PLCZ1: variants seen among roughly 807,000 people sequenced by gnomAD.
The protein encoded by PLCZ1 is phospholipase C zeta 1, also known as 1-phosphatidylinositol 4,5-bisphosphate phosphodiesterase zeta-1.
A neutral mutation model predicts 76.8 loss-of-function variants in PLCZ1; 64 were observed. The ratio of observed to expected loss-of-function variants is 0.83; its 90% CI spans 0.68 to 1.03. The LOEUF is 1.03. Ranked by LOEUF, PLCZ1 falls within the 50% of genes least tolerant of loss-of-function variation. The pLI, the probability that PLCZ1 is intolerant of heterozygous loss-of-function variation, is 0.00. For missense variants in PLCZ1, 751 were observed against 713.7 expected, an observed-to-expected ratio of 1.05 and a Z score of -0.60; for synonymous variants, 248 against 230.8, an observed-to-expected ratio of 1.07 and a Z score of -0.68.
At chr12:18,646,206 G>A in the PLCZ1 span, among the ~76,000 whole-genome samples, 1 of 152,038 alleles carries the variant, frequency 6.6e-6, no homozygotes, top group South Asian at 2.1e-4. Flanking sequence ...TTTATTTAAT[G>A]AACATGTATT....
In PLCZ1 at chr12:18,701,498, C is replaced by CA; in HGVS notation, c.1017+2dup. 1 of 1,614,044 alleles carries CA rather than the reference C, an allele frequency of 6.2e-7. No homozygotes were observed. The highest frequency in any genetic ancestry group is 8.5e-7 in the Non-Finnish European group (1 of 1,179,986). ...GTAAGATTTTCACAAAACACCACCT[C>CA]ACCTTCTTTTTCTTGAAAAGCATTA... is the stretch of plus-strand genomic sequence containing the variant. On this transcript the variant is annotated splice_region_variant and intron_variant, in intron 9 of 14. Transcript: ENST00000266505.
the PLCZ1 span, among the ~76,000 whole-genome samples, chr12:18,652,887 A>T: frequency 2.0e-5 from 3 of 152,052 alleles, no homozygotes; most frequent in Non-Finnish European, 4.4e-5. Context: ...CATTGAACAT[A>T]TACATATATA....
the PLCZ1 span, among the ~76,000 whole-genome samples, chr12:18,650,694 GTGTGTGTGTGTATATATCTATATATA>G: frequency 4.7e-3 from 184 of 38,844 alleles, 6 homozygotes; most frequent in Middle Eastern, 0.013. Context: ...GTGTGTGTGT[GTGTGTGTGTGTATATATCTATATATA>G]TATATATATA....
the PLCZ1 span, among the ~76,000 whole-genome samples, chr12:18,676,855 A>T: frequency 6.6e-6 from 1 of 152,170 alleles, no homozygotes; most frequent in Non-Finnish European, 1.5e-5. Flanking sequence ...AAGATTGATC[A>T]CAGCCATGTA....
intron 3 of PLCZ1, chr12:18,730,905 G>A (rs1291509418): frequency 2.0e-5 from 3 of 151,958 alleles, no homozygotes; most frequent in South Asian, 2.1e-4. Flanking sequence ...AGATACTACC[G>A]GAGGAAAAAT....
downstream of PLCZ1, among the ~76,000 whole-genome samples, chr12:18,678,507 C>T (rs896032593): frequency 2.0e-5 from 3 of 152,076 alleles, no homozygotes; most frequent in African/African-American, 7.2e-5. Context: ...TAATCCATCC[C>T]TCTTTCCATC....
chr12:18,708,558 A>AT (rs1218114230), intron 6 of PLCZ1, among the ~76,000 whole-genome samples: 1 of 152,172 alleles, frequency 6.6e-6, no homozygotes, highest in African/African-American at 2.4e-5. Context: ...TGGTGGCTCT[A>AT]TTTTTTATTT....
At chr12:18,736,771 G>C (rs1959345057) in intron 2 of PLCZ1, 1 of 918,586 alleles carries the variant, frequency 1.1e-6, no homozygotes. Flanking sequence ...GGAAGCATTA[G>C]ATGAATTCCT....
chr12:18,652,960 T>C, the PLCZ1 span, among the ~76,000 whole-genome samples: 1 of 151,934 alleles, frequency 6.6e-6, no homozygotes, highest in East Asian at 1.9e-4. Flanking sequence ...AGAGAGAGAC[T>C]GATTTTAGGC....
the PLCZ1 span, among the ~76,000 whole-genome samples, chr12:18,650,414 G>GAGAATTACA: frequency 3.5e-5 from 5 of 142,716 alleles, no homozygotes; most frequent in African/African-American, 1.3e-4. Context: ...TTTTTTTTAA[G>GAGAATTACA]AGAATTACAT....
rs1954756275 is a variant in PLCZ1 at position 18,695,011 on chromosome 12, C to T, written c.1360G>A (p.Gly454Ser). 6.2e-7 allele frequency: 1 copy of T among 1,612,190 alleles called. No individual in the cohort carries two copies. Among genetic ancestry groups the T allele is most frequent in the Non-Finnish European group, 8.5e-7 (1 of 1,178,564 alleles). Residue 454 changes from glycine (G) to serine (S), a missense_variant, in exon 12 of 15, where the codon GGT becomes AGT. Gly to Ser is a moderately conservative substitution (Grantham distance 56). Coordinates refer to ENST00000266505, the MANE Select transcript of PLCZ1 (RefSeq NM_033123.4). ...TGTGGTTTCAAAATATATCCAGAAC[C>T]ACCATTATCCAAAAATTTCCCATTT... ...LQNGKFLDNG[G>S]SGYILKPHFL...
intron 3 of PLCZ1, among the ~76,000 whole-genome samples, chr12:18,726,728 CAG>C: frequency 6.6e-6 from 1 of 152,212 alleles, no homozygotes; most frequent in Middle Eastern, 3.4e-3. Context: ...TTTATCAAAA[CAG>C]AATTTACTTT....
Position 18,719,447 on chromosome 12 carries a change from G to C in PLCZ1, c.553C>G (p.Leu185Val). 5 of 1,523,858 alleles carry C rather than the reference G, an allele frequency of 3.3e-6. No individual in the cohort carries two copies. Among genetic ancestry groups the C allele is most frequent in the Non-Finnish European group, 4.4e-6 (5 of 1,129,120 alleles). The allele number at this position is 1,523,858 out of a possible 1,614,324, so 94.4% of individuals were successfully genotyped here. A position where few individuals can be genotyped will look rare whatever the true frequency, so the allele number is the denominator to read the frequency against. The change falls in exon 5 of 15, where the codon CTT (leucine) becomes GTT (valine). Residue 185 changes from leucine to valine, a missense_variant. Physicochemically the swap from Leu to Val is conservative, Grantham distance 32. Transcript: ENST00000266505. ...VSDQLLGPSD[L>V]WGYVSALVKG... ...AATAAATACCTTACATATCCCCAAA[G>C]GTCACTTGGTCCCAATAATTGATCA...
In PLCZ1 at chr12:18,683,218, T is replaced by TAA; in HGVS notation, c.*20_*21insTT. On this transcript the variant is annotated 3_prime_UTR_variant, in exon 15 of 15. Coordinates refer to ENST00000266505, the MANE Select transcript of PLCZ1 (RefSeq NM_033123.4). Reference sequence around the variant, plus strand: ...TTTTATTGCGATGCATAGCTAATGATATGTCATTTATCATTAGCTGTTATC... The same window carrying TAA: ...TTTTATTGCGATGCATAGCTAATGATAAATGTCATTTATCATTAGCTGTTATC... The TAA allele has an allele frequency of 3.7e-6, 6 of 1,603,534 alleles. No homozygotes were observed. Among genetic ancestry groups the TAA allele is most frequent in the Non-Finnish European group, 5.1e-6 (6 of 1,170,986 alleles).
the PLCZ1 span, among the ~76,000 whole-genome samples, chr12:18,658,417 A>G: frequency 6.6e-6 from 1 of 152,154 alleles, no homozygotes; most frequent in Non-Finnish European, 1.5e-5. Context: ...AGCAAAAGAT[A>G]AAGAATCGTA....
chr12:18,671,830 A>G, the PLCZ1 span, among the ~76,000 whole-genome samples: 7 of 152,176 alleles, frequency 4.6e-5, no homozygotes, highest in Non-Finnish European at 1.0e-4. Context: ...GATTTCTCAC[A>G]GTTTTGGAGT....
chr12:18,688,339 T>A (rs773967976), intron 12 of PLCZ1, 121 bp from the exon 13 acceptor site: 2 of 1,009,042 alleles, frequency 2.0e-6, no homozygotes, highest in Admixed American at 4.9e-5. Context: ...CCCACAAACA[T>A]TGAAAGTGGA....
intron 3 of PLCZ1, among the ~76,000 whole-genome samples, chr12:18,729,144 C>T (rs1229700579): frequency 6.6e-6 from 1 of 152,040 alleles, no homozygotes; most frequent in Non-Finnish European, 1.5e-5. Context: ...CCATGGTCTA[C>T]CATTCAAGGT....
intron 7 of PLCZ1, among the ~76,000 whole-genome samples, chr12:18,703,344 T>C (rs971676667): frequency 2.0e-5 from 3 of 152,150 alleles, no homozygotes. Flanking sequence ...CACTTGAAAA[T>C]TTTTCACTGA....
Sources: allele counts gnomAD v4.1 joint callset (sites outside exome capture counted in the v4.1 genomes callset), GRCh38; gene constraint gnomAD v4.1.1; transcripts MANE v1.5; gene names NCBI Gene and HGNC (gene_info 2026-07-23, HGNC 2026-07-21).